The following SNX2 variants were observed in gnomAD, a reference collection of about 807,000 sequenced individuals.
SNX2 encodes the protein sorting nexin-2.
Under a neutral mutation model 69.9 loss-of-function variants are expected in SNX2, and 25 were observed. The observed-to-expected ratio is 0.36, with a 90% CI of 0.26 to 0.50. The LOEUF is 0.50. Ranked by LOEUF, SNX2 falls within the 20% of genes least tolerant of loss-of-function variation. The probability of loss-of-function intolerance (pLI) is 0.97; values close to 1 mark genes in which losing one functional copy is unlikely to be tolerated. For missense variants in SNX2, 551 were observed against 613.3 expected, an observed-to-expected ratio of 0.90 and a Z score of 1.07; for synonymous variants, 229 against 200.4, an observed-to-expected ratio of 1.14 and a Z score of -1.20.
At chr5:122,803,379 GATAC>G in intron 5 of SNX2, 89 bp from the exon 6 acceptor site, 1 of 1,212,824 alleles carries the variant, frequency 8.2e-7, no homozygotes, top group Non-Finnish European at 1.1e-6. Flanking sequence ...TTGCAAAGTA[GATAC>G]ATGTATGTGT....
In SNX2 at chr5:122,832,523, C is replaced by G. The variant is rs1202972432; in HGVS notation, c.*2875C>G. 6.6e-6 allele frequency: 1 copy of G among 151,976 alleles called. No homozygotes were observed. Among genetic ancestry groups the G allele is most frequent in the African/African-American group, 2.4e-5 (1 of 41,370 alleles). 9.4% of individuals were successfully genotyped at this position (151,976 alleles called of 1,614,324 possible). On this transcript the variant is annotated 3_prime_UTR_variant, in exon 15 of 15. Coordinates refer to ENST00000379516, the MANE Select transcript of SNX2 (RefSeq NM_003100.4). ...TCAAAATACCTTTGTTTCATTGTTG[C>G]TACTCCTTAAACTTTTTTCTTTATT...
At chr5:122,775,283 G>C in intron 1 of SNX2, 72 bp downstream of exon 1, 1 of 1,476,816 alleles carries the variant, frequency 6.8e-7, no homozygotes, top group Non-Finnish European at 9.1e-7. Flanking sequence ...GCCCCGACTT[G>C]TCCCTCCCCA....
intron 5 of SNX2, among the ~76,000 whole-genome samples, chr5:122,802,733 G>A (rs551904306): frequency 6.6e-6 from 1 of 152,320 alleles, no homozygotes; most frequent in African/African-American, 2.4e-5. Flanking sequence ...TATTAAAAGA[G>A]CATGTCTGTC....
At chr5:122,827,218 G>T in intron 12 of SNX2, 161 bp from the exon 13 acceptor site, 1 of 605,534 alleles carries the variant, frequency 1.7e-6, no homozygotes, top group Non-Finnish European at 2.9e-6. Context: ...CATTTCTATT[G>T]GTTGACAGTT....
In SNX2 at chr5:122,799,705, A is replaced by C. The variant is rs1753466523; in HGVS notation, c.240A>C (p.Glu80Asp). 6.2e-7 allele frequency: 1 copy of C among 1,611,914 alleles called. No homozygotes were observed. The highest frequency in any genetic ancestry group is 1.3e-5 in the African/African-American group (1 of 74,860). ...ATCTATGTCTAGAAGCCACAGAAGA[A>C]GTTTCTTTGGACAGCCCTGAAAGGG... is the stretch of plus-strand genomic sequence containing the variant. The part of the protein sequence containing the change: ...REDLFAEATE[E>D]VSLDSPEREP... Residue 80 changes from glutamate (E) to aspartate (D), a missense_variant, in exon 3 of 15, where the codon GAA becomes GAC. Coordinates refer to ENST00000379516, the MANE Select transcript of SNX2 (RefSeq NM_003100.4).
At chr5:122,778,845 A>G (rs1388070933) in intron 1 of SNX2, among the ~76,000 whole-genome samples, 1 of 152,204 alleles carries the variant, frequency 6.6e-6, no homozygotes, top group African/African-American at 2.4e-5. Context: ...ACATAAAGCT[A>G]TATCAGTAAA....
Position 122,832,110 on chromosome 5 carries a change from G to A in SNX2, c.*2462G>A, listed in dbSNP as rs1754304628. On this transcript the variant is annotated 3_prime_UTR_variant, in exon 15 of 15. Transcript: ENST00000379516. ...TAATCTTTTCATTGGATAGGTCTGA[G>A]TTTAGCGTTTGTTTGTTTTCTTAAT... Among the ~76,000 whole-genome samples the A allele has an allele frequency of 6.6e-6, 1 of 152,098 alleles. No homozygotes were observed. The highest frequency in any genetic ancestry group is 6.5e-5 in the Admixed American group (1 of 15,280).
upstream of SNX2, chr5:122,775,038 C>A: frequency 2.1e-6 from 3 of 1,454,024 alleles, no homozygotes; most frequent in South Asian, 1.4e-5. Flanking sequence ...GGCGCGGGCC[C>A]AGCCGTGCGT....
rs1753470813 is a variant in SNX2 at position 122,799,850 on chromosome 5, G to T, written c.385G>T (p.Glu129Ter). ...TCCCGTGATCTTTGATAGATCCAGG[G>T]AAGAGGTACAGGAAAATGTATTCTA... is the stretch of plus-strand genomic sequence containing the variant. ...SAPVIFDRSR[E>*]EIEEEANGDI... Residue 129 changes from glutamate to a stop codon, truncating the protein, a stop_gained, in exon 3 of 15, where the codon GAA (glutamate) becomes TAA (stop). Coordinates refer to ENST00000379516, the MANE Select transcript of SNX2 (RefSeq NM_003100.4). LOFTEE classifies it high-confidence loss of function. The T allele has an allele frequency of 1.9e-6, 3 of 1,608,824 alleles. No homozygotes were observed. The highest frequency in any genetic ancestry group is 2.5e-6 in the Non-Finnish European group (3 of 1,177,200).
intron 1 of SNX2, among the ~76,000 whole-genome samples, chr5:122,786,356 A>C (rs1050235988): frequency 2.0e-5 from 3 of 152,120 alleles, no homozygotes; most frequent in Non-Finnish European, 2.9e-5. Context: ...TGATGTGGCT[A>C]GATTAGATCT....
At position 122,827,418 on chromosome 5, in the gene SNX2, C is replaced by G; in HGVS notation, c.1396C>G (p.Gln466Glu). 6.2e-7 allele frequency: 1 copy of G among 1,613,370 alleles called. No individual in the cohort carries two copies. ...GCAACAAGGGGAAAGAGATTTTGAA[C>G]AGATATCTAAAACGATTCGAAAAGA... ...KVQQGERDFE[Q>E]ISKTIRKEVG... Residue 466 changes from glutamine (Q) to glutamate (E), a missense_variant, in exon 13 of 15, where the codon CAG (glutamine) becomes GAG (glutamate). Gln to Glu is a conservative substitution (Grantham distance 29, BLOSUM62 2). Around this residue, in one of 2 missense-constraint regions of SNX2, gnomAD observed 360 missense variants for 450.4 expected, o/e 0.80. Coordinates refer to ENST00000379516, the MANE Select transcript of SNX2 (RefSeq NM_003100.4).
At chr5:122,827,821 G>GTTT (rs5871011) in intron 14 of SNX2, 175 bp downstream of exon 14, 46 of 448,510 alleles carry the variant, frequency 1.0e-4, no homozygotes, top group Middle Eastern at 6.0e-4. Context: ...TATCTCACGT[G>GTTT]TTTTTTTTTT....
At chr5:122,825,597 C>A (rs1379891965) in intron 11 of SNX2, among the ~76,000 whole-genome samples, 1 of 151,822 alleles carries the variant, frequency 6.6e-6, no homozygotes, top group Non-Finnish European at 1.5e-5. Flanking sequence ...GTAATTTCTT[C>A]TACCACATAT....
At position 122,833,325 on chromosome 5, in the gene SNX2, A is replaced by T. The variant is rs761124938; in HGVS notation, c.*3677A>T. 6.6e-6 allele frequency: 1 copy of T among 152,190 alleles called. No homozygotes were observed. The highest frequency in any genetic ancestry group is 1.5e-5 in the Non-Finnish European group (1 of 68,022). The allele number at this position is 152,190 out of a possible 1,614,324, so 9.4% of individuals were successfully genotyped here. On this transcript the variant is annotated 3_prime_UTR_variant, in exon 15 of 15. Coordinates refer to ENST00000379516, the MANE Select transcript of SNX2 (RefSeq NM_003100.4). The stretch of plus-strand genomic sequence containing the variant: ...AGGGCCATGAAGATAGGTCATGGTA[A>T]TCTATGGAGAAGGTCCTTAAGAGCA...
intron 1 of SNX2, chr5:122,775,549 G>A: frequency 2.0e-6 from 2 of 1,022,278 alleles, no homozygotes; most frequent in Non-Finnish European, 2.3e-6. Context: ...GGCTTGCTCT[G>A]CATCCCAGTA....
At chr5:122,791,522 T>C (rs1753237890) in intron 1 of SNX2, among the ~76,000 whole-genome samples, 1 of 152,236 alleles carries the variant, frequency 6.6e-6, no homozygotes, top group Non-Finnish European at 1.5e-5. Context: ...CCTCAAGTGG[T>C]ACGCCTGCCT....
chr5:122,780,157 A>G (rs1752940152), intron 1 of SNX2, among the ~76,000 whole-genome samples: 2 of 152,202 alleles, frequency 1.3e-5, no homozygotes, highest in Non-Finnish European at 2.9e-5. Context: ...GATGGGCTAG[A>G]GATGTAGCTT....
At chr5:122,794,891 C>T (rs562471493) in intron 1 of SNX2, among the ~76,000 whole-genome samples, 28 of 152,120 alleles carry the variant, frequency 1.8e-4, no homozygotes, top group African/African-American at 6.0e-4. Context: ...GGTGTGGTGA[C>T]GTGCATTTTT....
At chr5:122,794,451 C>A (rs1242728072) in intron 1 of SNX2, among the ~76,000 whole-genome samples, 2 of 152,122 alleles carry the variant, frequency 1.3e-5, no homozygotes, top group Admixed American at 1.3e-4. Context: ...GTAAGTTTTC[C>A]TCTTACAGTA....
Sources: allele counts gnomAD v4.1 joint callset (sites outside exome capture counted in the v4.1 genomes callset), GRCh38; gene constraint gnomAD v4.1.1; regional missense constraint gnomAD v4.1.1; transcripts MANE v1.5; gene names NCBI Gene and HGNC (gene_info 2026-07-23, HGNC 2026-07-21).